Variants in TNFSF4 observed in about 807,000 individuals in gnomAD.
The protein encoded by TNFSF4 is tumor necrosis factor ligand superfamily member 4.
Under a neutral mutation model 7.3 loss-of-function variants are expected in TNFSF4, and 4 were observed. The ratio of observed to expected loss-of-function variants is 0.55; its 90% CI spans 0.27 to 1.25. TNFSF4 has a LOEUF of 1.25. Among genes scored for constraint, TNFSF4 ranks in the 50% most tolerant of loss-of-function variants. TNFSF4 has a pLI of 0.12. For synonymous variants in TNFSF4, 76 were observed against 83.7 expected, an observed-to-expected ratio of 0.91 and a Z score of 0.50; for missense variants, 181 against 208.8, an observed-to-expected ratio of 0.87 and a Z score of 0.82.
At chr1:173,334,058 A>T in the TNFSF4 span, among the ~76,000 whole-genome samples, 26 of 152,120 alleles carry the variant, frequency 1.7e-4, no homozygotes, top group Middle Eastern at 0.017. Flanking sequence ...TAATTAATTA[A>T]TCCTACTAGT....
intron 1 of TNFSF4, chr1:173,205,535 A>G (rs1650149518): frequency 7.4e-7 from 1 of 1,359,870 alleles, no homozygotes; most frequent in Non-Finnish European, 9.5e-7. Flanking sequence ...TTAGCCTTGA[A>G]TGGAGCCATG....
the TNFSF4 span, among the ~76,000 whole-genome samples, chr1:173,381,175 A>C: frequency 1.3e-5 from 2 of 152,200 alleles, no homozygotes; most frequent in Non-Finnish European, 2.9e-5. Flanking sequence ...AAATAATGAA[A>C]TCTATCCTTA....
intron 1 of TNFSF4, among the ~76,000 whole-genome samples, chr1:173,189,574 C>T (rs753491721): frequency 1.3e-5 from 2 of 152,134 alleles, no homozygotes; most frequent in South Asian, 4.1e-4. Flanking sequence ...ATAGATAAAA[C>T]TTTTACAGTA....
the TNFSF4 span, among the ~76,000 whole-genome samples, chr1:173,397,540 A>G: frequency 6.6e-6 from 1 of 152,174 alleles, no homozygotes; most frequent in African/African-American, 2.4e-5. Context: ...AATTTAGCTC[A>G]GTTCATCTCA....
the TNFSF4 span, among the ~76,000 whole-genome samples, chr1:173,408,438 GTTTT>G: frequency 1.3e-5 from 2 of 152,144 alleles, no homozygotes; most frequent in Admixed American, 6.5e-5. Context: ...AAGAAAGTAA[GTTTT>G]TTCTTATAGT....
At chr1:173,409,238 T>C in the TNFSF4 span, among the ~76,000 whole-genome samples, 6 of 151,958 alleles carry the variant, frequency 3.9e-5, no homozygotes, top group African/African-American at 1.5e-4. Flanking sequence ...ACTGAGGAAC[T>C]CCCCTACTCT....
the TNFSF4 span, among the ~76,000 whole-genome samples, chr1:173,388,252 G>C: frequency 6.6e-6 from 1 of 152,234 alleles, no homozygotes; most frequent in African/African-American, 2.4e-5. Context: ...ACCTTCAATT[G>C]CTTTTCTTTT....
the TNFSF4 span, among the ~76,000 whole-genome samples, chr1:173,305,712 T>C: frequency 1.3e-5 from 2 of 151,554 alleles, no homozygotes; most frequent in African/African-American, 4.8e-5. Flanking sequence ...AAAGGGAAGT[T>C]TAATTGACTC....
chr1:173,250,152 C>G, the TNFSF4 span, among the ~76,000 whole-genome samples: 2 of 152,160 alleles, frequency 1.3e-5, no homozygotes, highest in South Asian at 2.1e-4. Context: ...CCTATATATA[C>G]GGCATCTAGT....
At chr1:173,382,874 T>TCACA in the TNFSF4 span, among the ~76,000 whole-genome samples, 1,320 of 91,268 alleles carry the variant, frequency 0.014, 11 homozygotes, top group South Asian at 0.038. Context: ...TTTACTGTTT[T>TCACA]CACACACACA....
At chr1:173,386,245 T>A in the TNFSF4 span, among the ~76,000 whole-genome samples, 2 of 152,232 alleles carry the variant, frequency 1.3e-5, no homozygotes, top group Non-Finnish European at 2.9e-5. Flanking sequence ...GCCCTACCTG[T>A]GGCTCAAGTG....
the TNFSF4 span, among the ~76,000 whole-genome samples, chr1:173,213,277 A>G: frequency 9.0e-4 from 136 of 151,954 alleles, no homozygotes; most frequent in African/African-American, 3.1e-3. Context: ...TTTCCCTTTC[A>G]TTCTTCATGT....
At chr1:173,331,448 T>G in the TNFSF4 span, among the ~76,000 whole-genome samples, 1 of 133,756 alleles carries the variant, frequency 7.5e-6, no homozygotes, top group Non-Finnish European at 1.7e-5. Context: ...TTGGAAACCT[T>G]AGTAGTCAAA....
At chr1:173,381,812 T>C in the TNFSF4 span, among the ~76,000 whole-genome samples, 1 of 152,168 alleles carries the variant, frequency 6.6e-6, no homozygotes, top group Non-Finnish European at 1.5e-5. Context: ...AACTTTTCTG[T>C]CTAGCTAAAG....
chr1:173,341,319 A>T, the TNFSF4 span, among the ~76,000 whole-genome samples: 1 of 152,328 alleles, frequency 6.6e-6, no homozygotes, highest in African/African-American at 2.4e-5. Flanking sequence ...TCATGAGCCA[A>T]CGAGCTATGA....
chr1:173,329,571 T>C, the TNFSF4 span, among the ~76,000 whole-genome samples: 418 of 152,250 alleles, frequency 2.7e-3, 1 homozygote, highest in South Asian at 6.8e-3. Flanking sequence ...AAATTAGATA[T>C]AGTTGTCTAT....
chr1:173,235,325 CT>C, the TNFSF4 span, among the ~76,000 whole-genome samples: 1 of 152,138 alleles, frequency 6.6e-6, no homozygotes, highest in Admixed American at 6.6e-5. Flanking sequence ...AAAGGGGGAC[CT>C]TTCAACAGGC....
the TNFSF4 span, among the ~76,000 whole-genome samples, chr1:173,284,140 G>A: frequency 6.6e-6 from 1 of 152,166 alleles, no homozygotes; most frequent in Non-Finnish European, 1.5e-5. Context: ...TGGAAAATGT[G>A]AGGAAGCTGC....
the TNFSF4 span, among the ~76,000 whole-genome samples, chr1:173,281,236 A>G: frequency 4.7e-4 from 71 of 152,234 alleles, no homozygotes; most frequent in Non-Finnish European, 9.0e-4. Context: ...AAAAAAAAGG[A>G]ATATTTTTGC....
Sources: allele counts gnomAD v4.1 joint callset (sites outside exome capture counted in the v4.1 genomes callset), GRCh38; gene constraint gnomAD v4.1.1; transcripts MANE v1.5; gene names NCBI Gene and HGNC (gene_info 2026-07-23, HGNC 2026-07-21).